SLC49A4: variants seen among roughly 807,000 people sequenced by gnomAD.
SLC49A4 encodes the protein solute carrier family 49 member 4.
A neutral mutation model predicts 50.6 loss-of-function variants in SLC49A4; 36 were observed. The ratio of observed to expected loss-of-function variants is 0.71; its 90% confidence interval spans 0.55 to 0.94. The LOEUF is 0.94. Ranked by LOEUF, SLC49A4 falls within the 40% of genes least tolerant of loss-of-function variation. The pLI is 0.00. For synonymous variants in SLC49A4, 248 were observed against 241.2 expected (o/e 1.03, Z -0.26); for missense variants, 503 against 605.7 (o/e 0.83, Z 1.78).
intron 2 of SLC49A4, among the ~76,000 whole-genome samples, chr3:122,808,835 A>G (rs2107557964): frequency 6.6e-6 from 1 of 152,346 alleles, no homozygotes; most frequent in South Asian, 2.1e-4. Context: ...AATTCTGATC[A>G]TCTTGAATAT....
intron 2 of SLC49A4, among the ~76,000 whole-genome samples, chr3:122,808,237 T>C (rs1316823762): frequency 6.6e-6 from 1 of 152,148 alleles, no homozygotes; most frequent in African/African-American, 2.4e-5. Flanking sequence ...ACTATGTTTG[T>C]GATGTAGTTT....
At chr3:122,860,274 G>C in intron 7 of SLC49A4, 72 bp downstream of exon 7, 1 of 1,341,150 alleles carries the variant, frequency 7.5e-7, no homozygotes, top group South Asian at 2.0e-5. Flanking sequence ...TCTGACAGTA[G>C]GACTTCTTCT....
chr3:122,847,859 T>G (rs967092229), intron 5 of SLC49A4, among the ~76,000 whole-genome samples: 11 of 152,346 alleles, frequency 7.2e-5, no homozygotes, highest in Middle Eastern at 6.8e-3. Context: ...CTTTGCTTGC[T>G]CCAAGTTCAT....
At chr3:122,846,860 A>C (rs1422345667) in intron 5 of SLC49A4, among the ~76,000 whole-genome samples, 2 of 152,098 alleles carry the variant, frequency 1.3e-5, no homozygotes, top group Non-Finnish European at 2.9e-5. Context: ...TTTCTTACCG[A>C]TACGTAAAGA....
In SLC49A4 at chr3:122,795,071, T is replaced by G. The variant is rs925582916; in HGVS notation, c.-122T>G. The G allele has an allele frequency of 1.5e-4, 173 of 1,155,112 alleles. No individual in the cohort carries two copies. Among genetic ancestry groups the G allele is most frequent in the Non-Finnish European group, 1.9e-4 (171 of 922,568 alleles). The allele number at this position is 1,155,112 out of a possible 1,614,324, so 71.6% of individuals were successfully genotyped here. A position where few individuals can be genotyped will look rare whatever the true frequency, so the allele number is the denominator to read the frequency against. ...GGCCGCGCAGGCGCACCAGGCGCGGTCCGGAGGCCGAGGGCGACCACAGCA... is the reference window on the plus strand; with the variant it reads ...GGCCGCGCAGGCGCACCAGGCGCGGGCCGGAGGCCGAGGGCGACCACAGCA... On this transcript the variant is annotated 5_prime_UTR_variant, in exon 1 of 9. Transcript: ENST00000261038.
chr3:122,820,990 T>C (rs182932347), intron 2 of SLC49A4, among the ~76,000 whole-genome samples: 1 of 152,336 alleles, frequency 6.6e-6, no homozygotes, highest in Non-Finnish European at 1.5e-5. Flanking sequence ...TGGGAGGTAA[T>C]TGAATCGGGG....
chr3:122,838,612 C>T lies in SLC49A4; in HGVS notation c.833+5166C>T, dbSNP rs369956263. On this transcript the variant is annotated intron_variant, in intron 4 of 8. Transcript: ENST00000261038. Reference sequence around the variant, plus strand: ...AGGAGATATACCTAATGCTAAATGACGAGTTAATGGGTGCAGCACACCAAC... The same window carrying T: ...AGGAGATATACCTAATGCTAAATGATGAGTTAATGGGTGCAGCACACCAAC... Among the ~76,000 whole-genome samples the T allele has an allele frequency of 7.0e-4, 106 of 151,544 alleles. 4 individuals are homozygous for T. The East Asian group carries it at 0.016, about 23-fold the overall frequency.
At position 122,872,610 on chromosome 3, in the gene SLC49A4, AT is replaced by A; in HGVS notation, c.1321+19del. 6.4e-7 allele frequency: 1 copy of A among 1,550,576 alleles called. No individual in the cohort carries two copies. The highest frequency in any genetic ancestry group is 1.4e-5 in the African/African-American group (1 of 72,278). On this transcript the variant is annotated intron_variant, in intron 8 of 8. Coordinates refer to ENST00000261038, the MANE Select transcript of SLC49A4 (RefSeq NM_032839.3). Reference sequence around the variant, plus strand: ...TTTTATCATACAGGTAAGAAATTTGATTTTTTATTTACTATCTAAATGTGTT... The same window carrying A: ...TTTTATCATACAGGTAAGAAATTTGATTTTTATTTACTATCTAAATGTGTT...
chr3:122,828,455 T>TA (rs1259582496), intron 3 of SLC49A4, among the ~76,000 whole-genome samples: 4 of 152,126 alleles, frequency 2.6e-5, no homozygotes, highest in Admixed American at 6.5e-5. Flanking sequence ...AGAGGAAACT[T>TA]AAAGGAGAAG....
In SLC49A4 at chr3:122,795,370, C is replaced by A; in HGVS notation, c.178C>A (p.Leu60Met). 6.3e-7 allele frequency: 1 copy of A among 1,598,038 alleles called. No individual in the cohort carries two copies. The highest frequency in any genetic ancestry group is 1.4e-5 in the African/African-American group (1 of 73,978). ...RRWLVLLLFSLLAFVQGLVWN... is the reference protein window; with the variant it reads ...RRWLVLLLFSMLAFVQGLVWN... ...CTGGCTGGTGCTGCTGCTCTTCTCG[C>A]TGCTGGCGTTCGTTCAGGGCCTGGT... The change falls in exon 1 of 9, where the codon CTG becomes ATG. Residue 60 changes from leucine to methionine, a missense_variant. By Grantham distance (15) the Leu-to-Met change is conservative. Transcript: ENST00000261038.
chr3:122,815,818 G>A (rs1361745028), intron 2 of SLC49A4, among the ~76,000 whole-genome samples: 1 of 152,180 alleles, frequency 6.6e-6, no homozygotes, highest in Admixed American at 6.5e-5. Flanking sequence ...ACCTGAAGTG[G>A]TTGTTGGACA....
At chr3:122,830,524 T>A (rs1411027819) in intron 3 of SLC49A4, among the ~76,000 whole-genome samples, 1 of 152,190 alleles carries the variant, frequency 6.6e-6, no homozygotes, top group Non-Finnish European at 1.5e-5. Context: ...GCCATTACAT[T>A]TATGGTTAAT....
intron 2 of SLC49A4, among the ~76,000 whole-genome samples, chr3:122,808,592 G>A (rs1244932916): frequency 6.6e-6 from 1 of 152,168 alleles, no homozygotes; most frequent in Non-Finnish European, 1.5e-5. Flanking sequence ...GTGGGAGGGT[G>A]GGACCAGATT....
intron 1 of SLC49A4, among the ~76,000 whole-genome samples, chr3:122,798,411 A>G (rs1205315491): frequency 6.6e-6 from 1 of 152,156 alleles, no homozygotes; most frequent in Non-Finnish European, 1.5e-5. Flanking sequence ...TTAGTTCTTC[A>G]GTAGTTCTTG....
At chr3:122,833,481 T>C in intron 4 of SLC49A4, 35 bp downstream of exon 4, 6 of 1,581,070 alleles carry the variant, frequency 3.8e-6, no homozygotes, top group Middle Eastern at 1.7e-4. Context: ...TGGCTTTGAC[T>C]GACACCTTCA....
intron 4 of SLC49A4, among the ~76,000 whole-genome samples, chr3:122,837,666 C>G (rs1560216498): frequency 6.6e-6 from 1 of 152,304 alleles, no homozygotes; most frequent in African/African-American, 2.4e-5. Flanking sequence ...GACTTCATGT[C>G]TGAAACACCA....
Position 122,860,188 on chromosome 3 carries a change from T to G in SLC49A4, c.1124T>G (p.Leu375Arg). The G allele has an allele frequency of 6.2e-7, 1 of 1,604,718 alleles. No homozygotes were observed. Among genetic ancestry groups the G allele is most frequent in the Admixed American group, 1.7e-5 (1 of 58,454 alleles). The change falls in exon 7 of 9, where the codon CTA becomes CGA. Residue 375 changes from leucine to arginine, a missense_variant. Physicochemically the swap from Leu to Arg is moderately radical, Grantham distance 102. Transcript: ENST00000261038. ...ACCTGTTTGAACAGCATCACACACC[T>G]ACCTTTAACCACAGGTGAGCATAGG... ...TLTCLNSITH[L>R]PLTTVTLYAS...
intron 4 of SLC49A4, among the ~76,000 whole-genome samples, chr3:122,835,925 T>C (rs1936677967): frequency 1.3e-5 from 2 of 152,180 alleles, no homozygotes; most frequent in African/African-American, 2.4e-5. Context: ...ACAAAATCAG[T>C]GTACACAAAT....
intron 4 of SLC49A4, among the ~76,000 whole-genome samples, chr3:122,840,924 C>T (rs1422124870): frequency 6.6e-6 from 1 of 152,204 alleles, no homozygotes; most frequent in African/African-American, 2.4e-5. Context: ...AGATCTAACA[C>T]TTCTGTAGAA....
Sources: gnomAD v4.1 joint callset for allele counts (sites outside exome capture counted in the v4.1 genomes callset) on GRCh38, gnomAD v4.1.1 for gene constraint, MANE v1.5 for transcripts, NCBI Gene and HGNC (gene_info 2026-07-23, HGNC 2026-07-21) for gene names.